Variants in NAA25 observed in about 807,000 individuals in gnomAD.
NAA25 encodes N-terminal acetyltransferase B complex subunit NAA25.
NAA25 carries 30 observed loss-of-function variants against 132.5 expected under a neutral mutation model. That is an observed-to-expected ratio of 0.23 (90% CI 0.17 to 0.31). NAA25 has a LOEUF of 0.31. Ranked by LOEUF, NAA25 falls within the 10% of genes least tolerant of loss-of-function variation. NAA25 has a pLI of 1.00. For missense variants in NAA25, 771 were observed against 1,150.4 expected, an observed-to-expected ratio of 0.67 and a Z score of 4.77; for synonymous variants, 359 against 401.9, an observed-to-expected ratio of 0.89 and a Z score of 1.28.
intron 4 of NAA25, among the ~76,000 whole-genome samples, chr12:112,082,746 A>C (rs2078990262): frequency 7.8e-6 from 1 of 127,452 alleles, no homozygotes; most frequent in Non-Finnish European, 1.6e-5. Context: ...GCCATCTTTC[A>C]GATGACTTTG....
rs761871272 is a variant in NAA25, at chr12:112,061,379, G to C, written c.1159C>G (p.Gln387Glu). Residue 387 changes from glutamine to glutamate, a missense_variant, in exon 12 of 24, where the codon CAG becomes GAG. By Grantham distance (29) the Gln-to-Glu change is conservative (BLOSUM62 2). This residue lies in a region of NAA25 where 417 missense variants were observed against 733.8 expected (regional missense o/e 0.57). Transcript: ENST00000261745. Reference sequence around the variant, plus strand: ...GACAAAGGAACAACTCCAAGTAACTGATTAATAAACTGCAAAGTGGGGAAA... The same window carrying C: ...GACAAAGGAACAACTCCAAGTAACTCATTAATAAACTGCAAAGTGGGGAAA... The part of the protein sequence containing the change: ...PATQCTKFIN[Q>E]LLGVVPLSTP... 6.2e-7 allele frequency: 1 copy of C among 1,613,346 alleles called. No individual in the cohort carries two copies. Among genetic ancestry groups the C allele is most frequent in the Non-Finnish European group, 8.5e-7 (1 of 1,179,536 alleles).
intron 23 of NAA25, 50 bp downstream of exon 23, chr12:112,033,183 A>G (rs979973002): frequency 4.0e-6 from 6 of 1,509,072 alleles, no homozygotes; most frequent in Non-Finnish European, 5.3e-6. Context: ...AGAGAGACAG[A>G]GTGTTTGTGT....
intron 10 of NAA25, among the ~76,000 whole-genome samples, chr12:112,069,532 T>C (rs980578040): frequency 6.6e-6 from 1 of 151,354 alleles, no homozygotes; most frequent in African/African-American, 2.4e-5. Context: ...TTAAAGATTA[T>C]AAAATAGGCT....
intron 3 of NAA25, among the ~76,000 whole-genome samples, chr12:112,089,820 C>A (rs959458310): frequency 6.6e-6 from 1 of 151,686 alleles, no homozygotes; most frequent in African/African-American, 2.4e-5. Flanking sequence ...ATGGTGAAAC[C>A]CGTCTCTACT....
intron 7 of NAA25, among the ~76,000 whole-genome samples, chr12:112,077,096 A>G (rs2078904373): frequency 6.6e-6 from 1 of 152,118 alleles, no homozygotes; most frequent in Admixed American, 6.6e-5. Flanking sequence ...CACACTGTGG[A>G]ACACTGGACA....
At position 112,048,387 on chromosome 12, in the gene NAA25, C is replaced by T; in HGVS notation, c.1785G>A (p.Glu595=). 1 of 1,613,970 alleles carries T rather than the reference C, an allele frequency of 6.2e-7. No homozygotes were observed. Among genetic ancestry groups the T allele is most frequent in the African/African-American group, 1.3e-5 (1 of 75,018 alleles). The change falls in exon 16 of 24, where the codon GAG becomes GAA. Residue 595 remains glutamate (E), a synonymous_variant. Transcript: ENST00000261745. ...YKYGAFEKIP[E]FIAFRNRLNN... The stretch of plus-strand genomic sequence containing the variant: ...TCAGCCTGTTCCTAAAAGCGATAAA[C>T]TCTGGGATCTTCTCAAATGCACCAT...
At chr12:112,048,172 C>T (rs1317760428) in intron 16 of NAA25, 120 bp downstream of exon 16, 3 of 933,852 alleles carry the variant, frequency 3.2e-6, no homozygotes, top group Non-Finnish European at 1.6e-6. Flanking sequence ...CCCACTGTCT[C>T]TCTCCCTTTT....
intron 17 of NAA25, among the ~76,000 whole-genome samples, chr12:112,044,520 A>G (rs917313339): frequency 3.3e-5 from 5 of 151,748 alleles, no homozygotes; most frequent in African/African-American, 1.2e-4. Context: ...AATACAAAAA[A>G]TTAGCCGGGC....
chr12:112,033,211 C>G lies in NAA25; in HGVS notation c.2796+22G>C, dbSNP rs745691920. Reference sequence around the variant, plus strand: ...GTTTGTGTGTGTGTAGAAAACATTGCCGATTGCCTACAATCTCTTACCGGT... The same window carrying G: ...GTTTGTGTGTGTGTAGAAAACATTGGCGATTGCCTACAATCTCTTACCGGT... On this transcript the variant is annotated intron_variant, in intron 23 of 23. Transcript: ENST00000261745. 2.5e-6 allele frequency: 4 copies of G among 1,586,236 alleles called. No homozygotes were observed. The Admixed American group carries it at 5.5e-5, about 22-fold the overall frequency.
At chr12:112,100,635 T>C (rs903273364) in intron 1 of NAA25, among the ~76,000 whole-genome samples, 4 of 147,772 alleles carry the variant, frequency 2.7e-5, no homozygotes, top group African/African-American at 1.0e-4. Flanking sequence ...TTTTTTTTTT[T>C]TTGAGATGGA....
At chr12:112,036,138 ACT>A (rs1434193755) in intron 22 of NAA25, among the ~76,000 whole-genome samples, 4 of 152,358 alleles carry the variant, frequency 2.6e-5, no homozygotes, top group African/African-American at 7.2e-5. Context: ...AAAAAATGTT[ACT>A]GTTTTTCACA....
chr12:112,033,603 A>G (rs1399213425), intron 22 of NAA25: 1 of 312,272 alleles, frequency 3.2e-6, no homozygotes, highest in African/African-American at 2.1e-5. Context: ...TTAAATAAAA[A>G]AAAATCCATC....
chr12:112,061,948 G>A (rs934699268), intron 11 of NAA25, among the ~76,000 whole-genome samples: 6 of 152,056 alleles, frequency 3.9e-5, no homozygotes, highest in Non-Finnish European at 7.4e-5. Flanking sequence ...AGTTTTCTCC[G>A]AATGGTTACA....
intron 1 of NAA25, among the ~76,000 whole-genome samples, chr12:112,099,133 C>T (rs571322780): frequency 2.0e-5 from 3 of 151,992 alleles, no homozygotes; most frequent in East Asian, 1.9e-4. Context: ...ACTACAGGTG[C>T]GCACCACCAC....
intron 23 of NAA25, among the ~76,000 whole-genome samples, chr12:112,030,917 T>C (rs1311150186): frequency 1.3e-5 from 2 of 151,630 alleles, no homozygotes; most frequent in Non-Finnish European, 2.9e-5. Flanking sequence ...CTTGAACAGA[T>C]CTCTTGAATA....
At chr12:112,059,177 C>A (rs1165965292) in intron 13 of NAA25, among the ~76,000 whole-genome samples, 1 of 142,444 alleles carries the variant, frequency 7.0e-6, no homozygotes, top group Non-Finnish European at 1.5e-5. Context: ...GAGGCTAAGG[C>A]ATGAGAATCG....
At chr12:112,093,758 T>G (rs1037816149) in intron 1 of NAA25, among the ~76,000 whole-genome samples, 4 of 151,846 alleles carry the variant, frequency 2.6e-5, no homozygotes, top group African/African-American at 9.7e-5. Context: ...CATGCACCTG[T>G]AATCCCAGCT....
At position 112,049,773 on chromosome 12, in the gene NAA25, C is replaced by T. The variant is rs1214543186; in HGVS notation, c.1729-1330G>A. Among the ~76,000 whole-genome samples the T allele has an allele frequency of 6.6e-6, 1 of 152,168 alleles. No individual in the cohort carries two copies. The highest frequency in any genetic ancestry group is 2.4e-5 in the African/African-American group (1 of 41,438). ...AGAGGAGGCCAGGATACTCTAAACA[C>T]ATATGCCTATCCTATGGCCCCTTGG... On this transcript the variant is annotated intron_variant, in intron 15 of 23. Coordinates refer to ENST00000261745, the MANE Select transcript of NAA25 (RefSeq NM_024953.4). This position sits in a 1 kb window ranked among gnomAD's most constrained non-coding sequence, Gnocchi z 4.7.
chr12:112,069,016 C>T (rs750911941), intron 10 of NAA25, 24 bp from the exon 11 acceptor site: 1 of 1,299,098 alleles, frequency 7.7e-7, no homozygotes. Flanking sequence ...AACAAAATCA[C>T]TTTATTACTC....
Sources: gnomAD v4.1 joint callset for allele counts (sites outside exome capture counted in the v4.1 genomes callset) on GRCh38, gnomAD v4.1.1 for gene constraint, gnomAD v4.1.1 regional missense constraint, Gnocchi (gnomAD v3.1) non-coding constraint, MANE v1.5 for transcripts, NCBI Gene and HGNC (gene_info 2026-07-23, HGNC 2026-07-21) for gene names.